Variants in OPRK1 observed in about 807,000 individuals in gnomAD.
The protein encoded by OPRK1 is opioid receptor kappa 1.
In OPRK1, 15 loss-of-function variants were observed where a neutral mutation model predicts 24.5. The ratio of observed to expected loss-of-function variants is 0.61; its 90% CI spans 0.41 to 0.94. OPRK1 has a LOEUF of 0.94. OPRK1 is among the 40% of genes least tolerant of loss of function. The probability of loss-of-function intolerance (pLI) is 0.00; values close to 1 mark genes in which losing one functional copy is unlikely to be tolerated. For synonymous variants in OPRK1, 205 were observed against 198.0 expected, an observed-to-expected ratio of 1.04 and a Z score of -0.30; for missense variants, 479 against 507.3, an observed-to-expected ratio of 0.94 and a Z score of 0.54.
chr8:53,238,856 C>T (rs1319305585), intron 2 of OPRK1: 1 of 186,918 alleles, frequency 5.3e-6, no homozygotes, highest in Non-Finnish European at 1.0e-5. Flanking sequence ...CCTGTCCTTT[C>T]CATGCATGGC....
In OPRK1 at chr8:53,250,015, G is replaced by A. The variant is rs577950550; in HGVS notation, c.257+766C>T. ...AATCACTTTGCTTACCAAAAAATTA[G>A]CATATATGTGGATATTGGGATACTT... is the stretch of plus-strand genomic sequence containing the variant. On this transcript the variant is annotated intron_variant, in intron 2 of 3. Transcript: ENST00000265572. Among the ~76,000 whole-genome samples the A allele has an allele frequency of 3.7e-4, 56 of 151,422 alleles. No individual in the cohort carries two copies. The South Asian group carries it at 0.011, about 29-fold the overall frequency.
At chr8:53,249,339 G>T (rs931786995) in intron 2 of OPRK1, among the ~76,000 whole-genome samples, 3 of 152,092 alleles carry the variant, frequency 2.0e-5, no homozygotes, top group African/African-American at 7.2e-5. Flanking sequence ...TTAAAATTTA[G>T]AATACAGTTG....
intron 2 of OPRK1, among the ~76,000 whole-genome samples, chr8:53,249,837 A>G (rs1807326739): frequency 6.6e-6 from 1 of 152,168 alleles, no homozygotes; most frequent in Admixed American, 6.5e-5. Flanking sequence ...CTTATTTCAT[A>G]GAGACTTCTC....
At chr8:53,249,074 A>G (rs1807304888) in intron 2 of OPRK1, among the ~76,000 whole-genome samples, 2 of 152,176 alleles carry the variant, frequency 1.3e-5, no homozygotes, top group African/African-American at 2.4e-5. Context: ...TCTAAATGTT[A>G]TTTTAGGATT....
chr8:53,234,816 G>A lies in OPRK1; in HGVS notation c.553C>T (p.Leu185=), dbSNP rs756355054. 5.6e-6 allele frequency: 9 copies of A among 1,614,104 alleles called. 1 individual carries two copies. The South Asian group carries it at 8.8e-5, about 16-fold the overall frequency. ...GCAGAGATGCCAACAGATGACGACA[G>A]CAGCCAGATGCAGATATTGATGATC... ...AKIINICIWL[L]SSSVGISAIV... The change falls in exon 3 of 4, where the codon CTG becomes TTG. Residue 185 remains leucine (L), a synonymous_variant. Transcript: ENST00000265572.
rs116690965 is a variant in OPRK1 at position 53,246,575 on chromosome 8, G to A, written c.257+4206C>T. Among the ~76,000 whole-genome samples the A allele has an allele frequency of 6.4e-3, 962 of 149,794 alleles. 9 individuals carry two copies. The highest frequency in any genetic ancestry group is 0.022 in the African/African-American group (866 of 40,138). On this transcript the variant is annotated intron_variant, in intron 2 of 3. Coordinates refer to ENST00000265572, the MANE Select transcript of OPRK1 (RefSeq NM_000912.5). The stretch of plus-strand genomic sequence containing the variant: ...GAGATTGCAGACACAGTAGAAAGGA[G>A]ATAGCTTATATGGTAAAGACCCCAG...
At position 53,250,794 on chromosome 8, in the gene OPRK1, A is replaced by G; in HGVS notation, c.244T>C (p.Phe82Leu). Residue 82 changes from phenylalanine to leucine, a missense_variant, in exon 2 of 4, where the codon TTC (phenylalanine) becomes CTC (leucine). By Grantham distance (22) the Phe-to-Leu change is conservative (BLOSUM62 0). Transcript: ENST00000265572. The stretch of plus-strand genomic sequence containing the variant: ...CCCCGCGCTCACCGGATGATCACGA[A>G]CATGACCAGCGAGTTGCCCACCAAG... ...VGLVGNSLVM[F>L]VIIRYTKMKT... 1.2e-6 allele frequency: 2 copies of G among 1,608,768 alleles called. No individual in the cohort carries two copies. The highest frequency in any genetic ancestry group is 2.2e-5 in the South Asian group (2 of 90,462).
chr8:53,229,561 G>T lies in OPRK1; in HGVS notation c.879C>A (p.Phe293Leu). Reference sequence around the variant, plus strand: ...TGCTCCCCAGAGCCTCCACCAGGATGAATATGTGAATGGGAGTCCAGCAGA... The same window carrying T: ...TGCTCCCCAGAGCCTCCACCAGGATTAATATGTGAATGGGAGTCCAGCAGA... Reference protein sequence around the residue: ...FVVCWTPIHIFILVEALGSTS... With the variant: ...FVVCWTPIHILILVEALGSTS... Residue 293 changes from phenylalanine (F) to leucine (L), a missense_variant, in exon 4 of 4, where the codon TTC (phenylalanine) becomes TTA (leucine). Transcript: ENST00000265572. 6.2e-7 allele frequency: 1 copy of T among 1,614,210 alleles called. No individual in the cohort carries two copies.
chr8:53,239,331 A>T (rs1807063984), intron 2 of OPRK1, among the ~76,000 whole-genome samples: 1 of 152,258 alleles, frequency 6.6e-6, no homozygotes, highest in Non-Finnish European at 1.5e-5. Flanking sequence ...AATACATGGA[A>T]GAGAAAGATT....
chr8:53,249,954 G>C (rs775118074), intron 2 of OPRK1, among the ~76,000 whole-genome samples: 3 of 152,012 alleles, frequency 2.0e-5, no homozygotes, highest in Non-Finnish European at 4.4e-5. Context: ...AACAAAGTTA[G>C]GTTTTCCTTT....
chr8:53,230,913 A>T lies in OPRK1; in HGVS notation c.611-1084T>A, dbSNP rs143394002. Among the ~76,000 whole-genome samples the T allele has an allele frequency of 3.4e-3, 512 of 152,320 alleles. 6 individuals are homozygous for T. Among genetic ancestry groups the T allele is most frequent in the African/African-American group, 0.012 (494 of 41,570 alleles). ...TCTGCTTCAAAAATAGCACATGAAT[A>T]TTTTTTTAAATAGCAAAACAGCTCT... On this transcript the variant is annotated intron_variant, in intron 3 of 3. Coordinates refer to ENST00000265572, the MANE Select transcript of OPRK1 (RefSeq NM_000912.5).
Position 53,234,751 on chromosome 8 carries a change from G to A in OPRK1, c.610+8C>T, listed in dbSNP as rs771327488. On this transcript the variant is annotated splice_region_variant and intron_variant, in intron 3 of 3. Transcript: ENST00000265572. The stretch of plus-strand genomic sequence containing the variant: ...TTTTTATGAACAGAATGAAATGACT[G>A]CTCTTACCTTCCCTGACTTTGGTGC... The A allele has an allele frequency of 6.2e-7, 1 of 1,602,566 alleles. No homozygotes were observed. The highest frequency in any genetic ancestry group is 1.1e-5 in the South Asian group (1 of 90,762).
At chr8:53,232,719 T>A (rs1430845724) in intron 3 of OPRK1, among the ~76,000 whole-genome samples, 1 of 152,230 alleles carries the variant, frequency 6.6e-6, no homozygotes, top group Non-Finnish European at 1.5e-5. Flanking sequence ...CTGGCTCCTG[T>A]TCCAGCATCT....
At chr8:53,249,581 G>A (rs1307372324) in intron 2 of OPRK1, among the ~76,000 whole-genome samples, 1 of 152,068 alleles carries the variant, frequency 6.6e-6, no homozygotes, top group African/African-American at 2.4e-5. Context: ...TTAAATGATG[G>A]TTTTTAATGT....
chr8:53,226,058 G>A lies in OPRK1; in HGVS notation c.*3239C>T, dbSNP rs7832417. ...GCTCCCTGAATTTGCATGAGTCATC[G>A]TATTTCATCCCAGGACTAGATGAAA... is the stretch of plus-strand genomic sequence containing the variant. On this transcript the variant is annotated 3_prime_UTR_variant, in exon 4 of 4. Coordinates refer to ENST00000265572, the MANE Select transcript of OPRK1 (RefSeq NM_000912.5). 2 of 151,936 alleles carry A rather than the reference G, an allele frequency of 1.3e-5. No homozygotes were observed. The highest frequency in any genetic ancestry group is 1.9e-4 in the East Asian group (1 of 5,166). The allele number at this position is 151,936 out of a possible 1,614,324, so 9.4% of individuals were successfully genotyped here. A position where few individuals can be genotyped will look rare whatever the true frequency, so the allele number is the denominator to read the frequency against.
In OPRK1 at chr8:53,229,406, C is replaced by T; in HGVS notation, c.1034G>A (p.Cys345Tyr). 6.2e-7 allele frequency: 1 copy of T among 1,614,204 alleles called. No individual in the cohort carries two copies. Residue 345 changes from cysteine (C) to tyrosine (Y), a missense_variant, in exon 4 of 4, where the codon TGC becomes TAC. Coordinates refer to ENST00000265572, the MANE Select transcript of OPRK1 (RefSeq NM_000912.5). Reference sequence around the variant, plus strand: ...CTCCATCCTCATCTTCAGTGGAAAGCAGAAGTCCCGGAAACACCGCTTGAA... The same window carrying T: ...CTCCATCCTCATCTTCAGTGGAAAGTAGAAGTCCCGGAAACACCGCTTGAA... The part of the protein sequence containing the change: ...ENFKRCFRDF[C>Y]FPLKMRMERQ...
At chr8:53,232,373 A>G (rs973823598) in intron 3 of OPRK1, among the ~76,000 whole-genome samples, 10 of 152,202 alleles carry the variant, frequency 6.6e-5, no homozygotes, top group Non-Finnish European at 1.3e-4. Context: ...ATATTTCAAA[A>G]TAACTAAAAG....
At position 53,229,395 on chromosome 8, in the gene OPRK1, TC is replaced by T; in HGVS notation, c.1044del (p.Lys349ArgfsTer2). The T allele has an allele frequency of 6.2e-7, 1 of 1,614,184 alleles. No homozygotes were observed. The highest frequency in any genetic ancestry group is 8.5e-7 in the Non-Finnish European group (1 of 1,180,028). ...GTGCTCTGCCGCTCCATCCTCATCT[TC>T]AGTGGAAAGCAGAAGTCCCGGAAAC... Reference protein sequence around the residue: ...KRCFRDFCFPLKMRMERQSTS... With the variant: ...KRCFRDFCFPXKMRMERQSTS... On this transcript the variant is annotated frameshift_variant, in exon 4 of 4. Transcript: ENST00000265572. LOFTEE classifies it high-confidence loss of function.
intron 2 of OPRK1, among the ~76,000 whole-genome samples, chr8:53,237,717 AGCACTTT>A (rs1309670368): frequency 1.3e-5 from 2 of 152,234 alleles, no homozygotes; most frequent in African/African-American, 4.8e-5. Flanking sequence ...ACATCTCCCC[AGCACTTT>A]GTAATTTGCA....
Sources: gnomAD v4.1 joint callset for allele counts (sites outside exome capture counted in the v4.1 genomes callset) on GRCh38, gnomAD v4.1.1 for gene constraint, MANE v1.5 for transcripts, NCBI Gene and HGNC (gene_info 2026-07-23, HGNC 2026-07-21) for gene names.